Variants in MAGI3 observed in about 807,000 individuals in gnomAD.
MAGI3 encodes membrane-associated guanylate kinase, WW and PDZ domain-containing protein 3.
MAGI3 carries 43 observed loss-of-function variants against 121.8 expected under a neutral mutation model. The ratio of observed to expected loss-of-function variants is 0.35; its 90% CI spans 0.28 to 0.46. The LOEUF (loss-of-function observed/expected upper bound fraction) is 0.46. MAGI3 is among the 20% of genes least tolerant of loss of function. The pLI, the probability that MAGI3 is intolerant of heterozygous loss-of-function variation, is 1.00. For missense variants in MAGI3, 1,547 were observed against 1,797.3 expected, an observed-to-expected ratio of 0.86 and a Z score of 2.52; for synonymous variants, 553 against 639.3, an observed-to-expected ratio of 0.86 and a Z score of 2.04.
At chr1:113,437,299 G>T (rs1653618099) in intron 1 of MAGI3, among the ~76,000 whole-genome samples, 1 of 151,646 alleles carries the variant, frequency 6.6e-6, no homozygotes, top group South Asian at 2.1e-4. Flanking sequence ...ATCTATTAAT[G>T]TTAAATGAGA....
chr1:113,682,831 C>A, intron 20 of MAGI3, 66 bp from the exon 21 acceptor site: 2 of 1,465,982 alleles, frequency 1.4e-6, no homozygotes, highest in South Asian at 1.5e-5. Context: ...TGTCAAAGTT[C>A]AAAACGTATT....
At chr1:113,540,702 C>T (rs1570826183) in intron 1 of MAGI3, among the ~76,000 whole-genome samples, 1 of 152,150 alleles carries the variant, frequency 6.6e-6, no homozygotes, top group African/African-American at 2.4e-5. Context: ...CTCTGGGGCA[C>T]CACCTCTTTT....
chr1:113,404,867 G>C (rs1425880422), intron 1 of MAGI3, among the ~76,000 whole-genome samples: 1 of 152,020 alleles, frequency 6.6e-6, no homozygotes, highest in African/African-American at 2.4e-5. Context: ...TACAAGCCTA[G>C]TTTTCATGAG....
At chr1:113,671,436 C>A (rs947847971) in intron 16 of MAGI3, among the ~76,000 whole-genome samples, 1 of 152,012 alleles carries the variant, frequency 6.6e-6, no homozygotes, top group Non-Finnish European at 1.5e-5. Flanking sequence ...GCTCTGTCTT[C>A]TAGATAAATA....
chr1:113,650,791 A>G (rs983374803), intron 13 of MAGI3, among the ~76,000 whole-genome samples: 3 of 152,194 alleles, frequency 2.0e-5, no homozygotes, highest in Non-Finnish European at 4.4e-5. Context: ...TTCTTTGTAC[A>G]CAGCCCTGAG....
intron 11 of MAGI3, among the ~76,000 whole-genome samples, chr1:113,644,005 T>C (rs1331437775): frequency 6.6e-6 from 1 of 152,208 alleles, no homozygotes; most frequent in Non-Finnish European, 1.5e-5. Flanking sequence ...ACTAAAGGCC[T>C]ATTGTACCAA....
At chr1:113,522,707 A>G (rs904100550) in intron 1 of MAGI3, among the ~76,000 whole-genome samples, 2 of 152,212 alleles carry the variant, frequency 1.3e-5, no homozygotes, top group African/African-American at 2.4e-5. Context: ...GTAAGAGTGA[A>G]TAAGTATCCA....
intron 2 of MAGI3, among the ~76,000 whole-genome samples, chr1:113,559,074 A>G (rs1040398824): frequency 6.6e-6 from 1 of 152,228 alleles, no homozygotes; most frequent in African/African-American, 2.4e-5. Context: ...AGGAAAAAGC[A>G]TCATTACCAA....
chr1:113,618,796 A>G lies in MAGI3; in HGVS notation c.1077-940A>G, dbSNP rs551918838. On this transcript the variant is annotated intron_variant, in intron 7 of 20. Coordinates refer to ENST00000307546, the MANE Select transcript of MAGI3 (RefSeq NM_001142782.2). ...TGAGATTCCAGGCGTGAGCCACTGC[A>G]CCCGGCCTCACTTCTTTAATTAAAG... Among the ~76,000 whole-genome samples the G allele has an allele frequency of 4.6e-5, 7 of 152,284 alleles. No individual in the cohort carries two copies. The East Asian group carries it at 1.2e-3, about 25-fold the overall frequency.
intron 9 of MAGI3, among the ~76,000 whole-genome samples, chr1:113,631,312 G>A (rs1336549260): frequency 2.0e-5 from 3 of 152,068 alleles, no homozygotes; most frequent in African/African-American, 2.4e-5. Context: ...CTCTTGTAAC[G>A]GTACTTTTAG....
intron 1 of MAGI3, among the ~76,000 whole-genome samples, chr1:113,538,893 G>C (rs1054344691): frequency 6.6e-6 from 1 of 152,160 alleles, no homozygotes; most frequent in Non-Finnish European, 1.5e-5. Flanking sequence ...TACACAAATA[G>C]TCTCAGCTTT....
intron 1 of MAGI3, among the ~76,000 whole-genome samples, chr1:113,496,926 C>T (rs1046512065): frequency 6.6e-6 from 1 of 152,086 alleles, no homozygotes; most frequent in Non-Finnish European, 1.5e-5. Context: ...TATTGCCTGA[C>T]TTGCATATTA....
At position 113,684,131 on chromosome 1, in the gene MAGI3, T is replaced by TGA; in HGVS notation, c.*119_*120dup. 1 of 1,202,342 alleles carries TGA rather than the reference T, an allele frequency of 8.3e-7. No individual in the cohort carries two copies. Among genetic ancestry groups the TGA allele is most frequent in the Non-Finnish European group, 1.1e-6 (1 of 893,886 alleles). 74.5% of individuals were successfully genotyped at this position (1,202,342 alleles called of 1,614,324 possible). A position where few individuals can be genotyped will look rare whatever the true frequency, so the allele number is the denominator to read the frequency against. On this transcript the variant is annotated 3_prime_UTR_variant, in exon 21 of 21. Transcript: ENST00000307546. ...TGAAACAGATAAGTACATGTTAATG[T>TGA]GAGCCTCAAGTTACCTAGGCTGCAT...
Position 113,391,284 on chromosome 1 carries a change from A to G in MAGI3, c.251A>G (p.Asn84Ser), listed in dbSNP as rs1335327857. 3 of 1,592,312 alleles carry G rather than the reference A, an allele frequency of 1.9e-6. No homozygotes were observed. The highest frequency in any genetic ancestry group is 1.7e-6 in the Non-Finnish European group (2 of 1,170,542). ...VNGTPVSGLT[N>S]RDTLAVIRHF... Reference sequence around the variant, plus strand: ...GGGACGCCTGTCAGCGGGCTCACCAACCGGGACACCCTGGCTGTCATCCGC... The same window carrying G: ...GGGACGCCTGTCAGCGGGCTCACCAGCCGGGACACCCTGGCTGTCATCCGC... The change falls in exon 1 of 21, where the codon AAC (asparagine) becomes AGC (serine). Residue 84 changes from asparagine to serine, a missense_variant. Transcript: ENST00000307546. The surrounding 1 kb of genome is among the most constrained non-coding windows in gnomAD (Gnocchi z 4.4).
chr1:113,517,370 C>T (rs1425364195), intron 1 of MAGI3, among the ~76,000 whole-genome samples: 1 of 151,620 alleles, frequency 6.6e-6, no homozygotes, highest in Non-Finnish European at 1.5e-5. Flanking sequence ...TGCCATATGT[C>T]TCTAGGGAGC....
At chr1:113,421,686 CT>C (rs144507050) in intron 1 of MAGI3, among the ~76,000 whole-genome samples, 9,610 of 152,190 alleles carry the variant, frequency 0.063, 325 homozygotes, top group Non-Finnish European at 0.074. Context: ...ATATATGATT[CT>C]TCATAAACTT....
chr1:113,664,223 G>A (rs936423882), intron 16 of MAGI3, among the ~76,000 whole-genome samples: 2 of 152,118 alleles, frequency 1.3e-5, no homozygotes, highest in Non-Finnish European at 2.9e-5. Flanking sequence ...TTACAGGGGC[G>A]GTGCTTGTGC....
chr1:113,610,123 TTTTGTTTG>T (rs528446548), intron 6 of MAGI3, among the ~76,000 whole-genome samples: 24 of 152,150 alleles, frequency 1.6e-4, no homozygotes, highest in Non-Finnish European at 3.1e-4. Flanking sequence ...CAAAGCGTTT[TTTTGTTTG>T]TTTGTTTGTT....
chr1:113,433,948 C>G (rs1394580716), intron 1 of MAGI3, among the ~76,000 whole-genome samples: 1 of 152,096 alleles, frequency 6.6e-6, no homozygotes, highest in Non-Finnish European at 1.5e-5. Flanking sequence ...TTATTCTTAT[C>G]TCTTTCCTGG....
Sources: gnomAD v4.1 joint callset for allele counts (sites outside exome capture counted in the v4.1 genomes callset) on GRCh38, gnomAD v4.1.1 for gene constraint, Gnocchi (gnomAD v3.1) non-coding constraint, MANE v1.5 for transcripts, NCBI Gene and HGNC (gene_info 2026-07-23, HGNC 2026-07-21) for gene names.